MAP2K3: variants seen among roughly 807,000 people sequenced by gnomAD.
MAP2K3 encodes mitogen-activated protein kinase kinase 3, also known as dual specificity mitogen-activated protein kinase kinase 3.
In MAP2K3, 30 loss-of-function variants were observed where a neutral mutation model predicts 46.4. The ratio of observed to expected loss-of-function variants is 0.65; its 90% CI spans 0.48 to 0.88. The LOEUF is 0.88. Ranked by LOEUF, MAP2K3 falls within the 40% of genes least tolerant of loss-of-function variation. The probability of loss-of-function intolerance (pLI) is 0.00; values close to 1 mark genes in which losing one functional copy is unlikely to be tolerated. For synonymous variants in MAP2K3, 189 were observed against 176.3 expected, an observed-to-expected ratio of 1.07 and a Z score of -0.57; for missense variants, 380 against 464.5, an observed-to-expected ratio of 0.82 and a Z score of 1.67.
At chr17:21,298,355 T>C (rs144438122) in intron 1 of MAP2K3, 58 bp from the exon 2 acceptor site, 36,679 of 1,594,716 alleles carry the variant, frequency 0.023, no homozygotes, top group Non-Finnish European at 0.026. Context: ...CTCATGGGAG[T>C]GCAGGGGACA....
intron 1 of MAP2K3, among the ~76,000 whole-genome samples, chr17:21,296,900 A>AGCTGCTGCTGCT (rs3035372): frequency 1.3e-5 from 2 of 150,280 alleles, no homozygotes; most frequent in Non-Finnish European, 3.0e-5. Context: ...ATGTGGCGGC[A>AGCTGCTGCTGCT]GCTGCTGCTG....
chr17:21,307,962 TCTC>T (rs1976980694), intron 9 of MAP2K3, among the ~76,000 whole-genome samples: 1 of 151,274 alleles, frequency 6.6e-6, no homozygotes, highest in Non-Finnish European at 1.5e-5. Context: ...TTCAGGCAAT[TCTC>T]CTGTCTCAGC....
chr17:21,314,449 A>G lies in MAP2K3; in HGVS notation c.*219A>G. ...CAGCCAGGCCCTTGTCGGCCCCACC[A>G]GTGCCTCTCCCTGCTGCTCCTAGGA... On this transcript the variant is annotated 3_prime_UTR_variant, in exon 12 of 12. Transcript: ENST00000342679. The G allele has an allele frequency of 3.5e-6, 2 of 571,770 alleles. No individual in the cohort carries two copies. The highest frequency in any genetic ancestry group is 9.5e-4 in the Middle Eastern group (2 of 2,102). 35.4% of individuals were successfully genotyped at this position (571,770 alleles called of 1,614,324 possible). A position where few individuals can be genotyped will look rare whatever the true frequency, so the allele number is the denominator to read the frequency against.
rs919680739 is a variant in MAP2K3 at position 21,295,798 on chromosome 17, G to T, written c.50-2615G>T. 8.3e-5 allele frequency: 107 copies of T among 1,289,700 alleles called. No individual in the cohort carries two copies. The African/African-American group carries it at 1.5e-3, about 18-fold the overall frequency. 79.9% of individuals were successfully genotyped at this position (1,289,700 alleles called of 1,614,324 possible). A position where few individuals can be genotyped will look rare whatever the true frequency, so the allele number is the denominator to read the frequency against. On this transcript the variant is annotated intron_variant, in intron 1 of 11. Coordinates refer to ENST00000342679, the MANE Select transcript of MAP2K3 (RefSeq NM_145109.3). ...GGGAAACTGAGGCTTGGTGAAGGGG[G>T]GGCCACATGATACAACATTCCCAAA...
At position 21,296,652 on chromosome 17, in the gene MAP2K3, G is replaced by C. The variant is rs1976269180; in HGVS notation, c.50-1761G>C. On this transcript the variant is annotated intron_variant, in intron 1 of 11. Transcript: ENST00000342679. The stretch of plus-strand genomic sequence containing the variant: ...TCACCTCTCTGAGCCTGTTCCCCAA[G>C]TAAAGTGAGGTTGGGAGCCCCTCCC... Among the ~76,000 whole-genome samples the C allele has an allele frequency of 2.0e-5, 3 of 152,424 alleles. No individual in the cohort carries two copies. The South Asian group carries it at 6.2e-4, about 32-fold the overall frequency.
intron 7 of MAP2K3, among the ~76,000 whole-genome samples, chr17:21,303,672 C>T (rs374825655): frequency 9.2e-3 from 1,400 of 151,752 alleles, no homozygotes; most frequent in African/African-American, 0.029. Flanking sequence ...GGGTTGGTTT[C>T]GCCCTTTCTG....
chr17:21,292,685 C>T (rs1170040545), intron 1 of MAP2K3, among the ~76,000 whole-genome samples: 1 of 152,308 alleles, frequency 6.6e-6, no homozygotes, highest in African/African-American at 2.4e-5. Flanking sequence ...CAGGGTTTCA[C>T]CATGTTGGCC....
At chr17:21,300,724 G>A in intron 4 of MAP2K3, 66 bp downstream of exon 4, 6 of 1,596,202 alleles carry the variant, frequency 3.8e-6, no homozygotes, top group Non-Finnish European at 5.1e-6. Flanking sequence ...CTGCCATGGG[G>A]CCCTGCCTAT....
intron 1 of MAP2K3, among the ~76,000 whole-genome samples, chr17:21,292,952 C>T (rs1976026325): frequency 6.6e-6 from 1 of 152,428 alleles, no homozygotes; most frequent in African/African-American, 2.4e-5. Flanking sequence ...TCCCCATCTG[C>T]AGCATGGAGA....
chr17:21,300,509 C>A (rs772332862), intron 3 of MAP2K3, 36 bp from the exon 4 acceptor site: 4 of 1,576,980 alleles, frequency 2.5e-6, no homozygotes, highest in African/African-American at 1.3e-5. Context: ...TGGCTTCCAG[C>A]TTGCTGGCCA....
At position 21,300,650 on chromosome 17, in the gene MAP2K3, G is replaced by C. The variant is rs1172598370; in HGVS notation, c.271G>C (p.Ala91Pro). The C allele has an allele frequency of 3.7e-6, 6 of 1,609,634 alleles. No individual in the cohort carries two copies. The highest frequency in any genetic ancestry group is 1.3e-5 in the African/African-American group (1 of 74,908). ...GCACGCCCAGAGCGGCACCATCATG[G>C]CCGTGAAGGTGAGCAGGGCCTGGAG... ...VRHAQSGTIM[A>P]VKRIRATVNS... Residue 91 changes from alanine to proline, a missense_variant, in exon 4 of 12, where the codon GCC (alanine) becomes CCC (proline). Around this residue, in one of 5 missense-constraint regions of MAP2K3, gnomAD observed 294 missense variants for 275.4 expected, o/e 1.07. Transcript: ENST00000342679.
intron 1 of MAP2K3, chr17:21,296,065 T>G: frequency 1.0e-6 from 1 of 990,878 alleles, no homozygotes; most frequent in Non-Finnish European, 1.3e-6. Context: ...CTTAGGGCAG[T>G]TTTTTTTTTC....
At chr17:21,295,892 T>G in intron 1 of MAP2K3, 1 of 1,276,148 alleles carries the variant, frequency 7.8e-7, no homozygotes, top group South Asian at 1.3e-5. Flanking sequence ...GCAGGGAGGG[T>G]GTGGCGTGGA....
intron 9 of MAP2K3, chr17:21,311,903 C>T (rs1384143763): frequency 3.4e-5 from 15 of 447,672 alleles, no homozygotes; most frequent in Non-Finnish European, 4.7e-5. Context: ...CCACCAGTCC[C>T]GGTGTGGGCT....
At position 21,284,770 on chromosome 17, in the gene MAP2K3, C is replaced by G. The variant is rs1036940449; in HGVS notation, c.-151C>G. ...CCTTGCTGCAGTCGCCGCCGCAGTC[C>G]TCGCCGCAGTCGCCGCCGCCGCCGC... On this transcript the variant is annotated 5_prime_UTR_variant, in exon 1 of 12. Coordinates refer to ENST00000342679, the MANE Select transcript of MAP2K3 (RefSeq NM_145109.3). 3 of 808,762 alleles carry G rather than the reference C, an allele frequency of 3.7e-6. No homozygotes were observed. The highest frequency in any genetic ancestry group is 5.5e-6 in the Non-Finnish European group (3 of 547,494). The allele number at this position is 808,762 out of a possible 1,614,324, so 50.1% of individuals were successfully genotyped here. A position where few individuals can be genotyped will look rare whatever the true frequency, so the allele number is the denominator to read the frequency against.
At chr17:21,285,419 T>A in intron 1 of MAP2K3, 2 of 356,912 alleles carry the variant, frequency 5.6e-6, no homozygotes, top group Non-Finnish European at 7.8e-6. Context: ...GGTTGGGATT[T>A]AACTTGAGTC....
At chr17:21,293,056 A>G (rs1161423174) in intron 1 of MAP2K3, among the ~76,000 whole-genome samples, 2 of 152,306 alleles carry the variant, frequency 1.3e-5, no homozygotes, top group Non-Finnish European at 2.9e-5. Flanking sequence ...AGGACACCCC[A>G]GGACACCCCA....
chr17:21,308,040 A>G (rs8074056), intron 9 of MAP2K3, among the ~76,000 whole-genome samples: 149,930 of 149,930 alleles, frequency 1, 74,965 homozygotes, highest in Non-Finnish European at 1. Flanking sequence ...ATTTTTAAAA[A>G]AGACGGGGTT....
At chr17:21,285,282 G>T (rs919952712) in intron 1 of MAP2K3, 33 of 985,260 alleles carry the variant, frequency 3.3e-5, no homozygotes, top group Non-Finnish European at 3.7e-5. Context: ...TATGGCTGCA[G>T]CCTGGACATG....
Sources: allele counts gnomAD v4.1 joint callset (sites outside exome capture counted in the v4.1 genomes callset), GRCh38; gene constraint gnomAD v4.1.1; regional missense constraint gnomAD v4.1.1; transcripts MANE v1.5; gene names NCBI Gene and HGNC (gene_info 2026-07-23, HGNC 2026-07-21).